The following ARHGAP22 variants were observed in gnomAD, a reference collection of about 807,000 sequenced individuals.
ARHGAP22 encodes Rho GTPase activating protein 22.
Under a neutral mutation model 59.1 loss-of-function variants are expected in ARHGAP22, and 48 were observed. The ratio of observed to expected loss-of-function variants is 0.81; its 90% CI spans 0.64 to 1.03. The LOEUF (loss-of-function observed/expected upper bound fraction) is 1.03, where lower values mean the gene tolerates loss of function less well. ARHGAP22 is among the 50% of genes least tolerant of loss of function. ARHGAP22 has a pLI of 0.00. For synonymous variants in ARHGAP22, 445 were observed against 416.4 expected (o/e 1.07, Z -0.84); for missense variants, 1,015 against 958.7 (o/e 1.06, Z -0.78).
At chr10:48,590,098 G>A (rs1160684393) in intron 1 of ARHGAP22, among the ~76,000 whole-genome samples, 1 of 152,032 alleles carries the variant, frequency 6.6e-6, no homozygotes, top group Non-Finnish European at 1.5e-5. Context: ...AGGGGTGAGG[G>A]TACACAAGGG....
intron 3 of ARHGAP22, among the ~76,000 whole-genome samples, chr10:48,485,975 G>C (rs2049819268): frequency 6.6e-6 from 1 of 152,082 alleles, no homozygotes; most frequent in Non-Finnish European, 1.5e-5. Flanking sequence ...GGGATGCTTA[G>C]ATTTAAGTCT....
intron 3 of ARHGAP22, among the ~76,000 whole-genome samples, chr10:48,537,616 TCACCATC>T (rs2055490565): frequency 6.6e-6 from 1 of 152,236 alleles, no homozygotes; most frequent in Admixed American, 6.5e-5. Context: ...GTCATTACTG[TCACCATC>T]CAGTGAAACT....
intron 4 of ARHGAP22, among the ~76,000 whole-genome samples, chr10:48,460,755 C>A (rs532115379): frequency 7.0e-6 from 1 of 142,528 alleles, no homozygotes; most frequent in Non-Finnish European, 1.6e-5. Flanking sequence ...AGTACCAAGA[C>A]GTGGTATTTG....
At chr10:48,507,556 C>T (rs2052273680) in intron 3 of ARHGAP22, among the ~76,000 whole-genome samples, 1 of 152,164 alleles carries the variant, frequency 6.6e-6, no homozygotes, top group African/African-American at 2.4e-5. Context: ...ACATAAAAGT[C>T]AACCGTGCAG....
chr10:48,431,247 T>C, the ARHGAP22 span: 3 of 1,611,968 alleles, frequency 1.9e-6, no homozygotes, highest in South Asian at 1.1e-5. Flanking sequence ...AATGGAGTTA[T>C]ACGGGGGCAG....
At chr10:48,431,569 T>C in the ARHGAP22 span, among the ~76,000 whole-genome samples, 1 of 152,190 alleles carries the variant, frequency 6.6e-6, no homozygotes, top group African/African-American at 2.4e-5. Flanking sequence ...AAATTCAATA[T>C]ACATACCTTT....
At chr10:48,523,965 G>T in intron 3 of ARHGAP22, 2 of 1,277,602 alleles carry the variant, frequency 1.6e-6, no homozygotes, top group South Asian at 1.6e-5. Flanking sequence ...GGGCGGCCCT[G>T]GACACCCCGT....
chr10:48,492,236 T>C (rs2050473423), intron 3 of ARHGAP22, among the ~76,000 whole-genome samples: 1 of 152,352 alleles, frequency 6.6e-6, no homozygotes, highest in Non-Finnish European at 1.5e-5. Flanking sequence ...AACCCTTCTT[T>C]ACCAAGGTTT....
chr10:48,439,165 G>C, the ARHGAP22 span: 1 of 151,392 alleles, frequency 6.6e-6, no homozygotes, highest in African/African-American at 2.4e-5. Context: ...CCTGTGTTCC[G>C]TTCCCTCTCC....
At chr10:48,537,753 C>T (rs946301070) in intron 3 of ARHGAP22, among the ~76,000 whole-genome samples, 138 of 152,312 alleles carry the variant, frequency 9.1e-4, no homozygotes, top group African/African-American at 3.0e-3. Flanking sequence ...CCTCCGGGAG[C>T]GGCACCGGAA....
chr10:48,466,414 G>T (rs921071462), intron 4 of ARHGAP22, among the ~76,000 whole-genome samples: 3 of 151,838 alleles, frequency 2.0e-5, no homozygotes, highest in African/African-American at 7.2e-5. Flanking sequence ...CACCAGATCC[G>T]CGGTGACACC....
chr10:48,433,482 AT>A, the ARHGAP22 span, among the ~76,000 whole-genome samples: 3 of 152,106 alleles, frequency 2.0e-5, no homozygotes, highest in African/African-American at 7.2e-5. Context: ...TACTATCTGA[AT>A]TTCACTCTGA....
At chr10:48,530,884 GTA>G (rs2054779801) in intron 3 of ARHGAP22, among the ~76,000 whole-genome samples, 1 of 3,920 alleles carries the variant, frequency 2.6e-4, no homozygotes, top group Non-Finnish European at 1.7e-3. Context: ...AGAACTAAAA[GTA>G]AAACTACCAT....
At chr10:48,520,458 A>G (rs549885304) in intron 3 of ARHGAP22, among the ~76,000 whole-genome samples, 48 of 152,282 alleles carry the variant, frequency 3.2e-4, no homozygotes, top group African/African-American at 1.1e-3. Flanking sequence ...TCCAGTGCAG[A>G]TGATCTCCTT....
At chr10:48,461,559 A>G (rs1275340166) in intron 4 of ARHGAP22, among the ~76,000 whole-genome samples, 2 of 152,262 alleles carry the variant, frequency 1.3e-5, no homozygotes, top group Non-Finnish European at 2.9e-5. Flanking sequence ...AAGGAGGCAG[A>G]GGAACTTCTG....
In ARHGAP22 at chr10:48,446,362, T is replaced by A. The variant is rs756411677; in HGVS notation, c.*29A>T. The A allele has an allele frequency of 1.6e-5, 25 of 1,610,046 alleles. 1 individual carries two copies. The East Asian group carries it at 5.3e-4, about 34-fold the overall frequency. On this transcript the variant is annotated 3_prime_UTR_variant, in exon 10 of 10. Coordinates refer to ENST00000249601, the MANE Select transcript of ARHGAP22 (RefSeq NM_021226.4). ...ATACAAGGCTGGAGACCAGCAGACG[T>A]GGTACAGAAGTGAGCTCTGCCATTC... is the stretch of plus-strand genomic sequence containing the variant.
At chr10:48,497,488 A>G (rs961106598) in intron 3 of ARHGAP22, among the ~76,000 whole-genome samples, 1 of 152,214 alleles carries the variant, frequency 6.6e-6, no homozygotes. Context: ...GCAGAGGGGA[A>G]GGAGGGAAGA....
At chr10:48,547,396 T>G (rs1193989527) in intron 3 of ARHGAP22, among the ~76,000 whole-genome samples, 1 of 152,228 alleles carries the variant, frequency 6.6e-6, no homozygotes, top group Non-Finnish European at 1.5e-5. Flanking sequence ...GATTCCCATC[T>G]GGTGTTTGGG....
intron 4 of ARHGAP22, among the ~76,000 whole-genome samples, chr10:48,471,662 C>T (rs1275693963): frequency 6.6e-6 from 1 of 152,186 alleles, no homozygotes. Flanking sequence ...TTAGCCTCCA[C>T]TGCGCCCTTC....
Sources: allele counts gnomAD v4.1 joint callset (sites outside exome capture counted in the v4.1 genomes callset), GRCh38; gene constraint gnomAD v4.1.1; transcripts MANE v1.5; gene names NCBI Gene and HGNC (gene_info 2026-07-23, HGNC 2026-07-21).